ADGRL2: variants seen among roughly 807,000 people sequenced by gnomAD.
ADGRL2 encodes the protein adhesion G protein-coupled receptor L2.
Under a neutral mutation model 157.4 loss-of-function variants are expected in ADGRL2, and 44 were observed. The ratio of observed to expected loss-of-function variants is 0.28; its 90% CI spans 0.22 to 0.36. The LOEUF (loss-of-function observed/expected upper bound fraction) is 0.36, where lower values mean the gene tolerates loss of function less well. Ranked by LOEUF, ADGRL2 falls within the 10% of genes least tolerant of loss-of-function variation. ADGRL2 has a pLI of 1.00. For missense variants in ADGRL2, 1,510 were observed against 1,768.9 expected (o/e 0.85, Z 2.63); for synonymous variants, 585 against 624.7 (o/e 0.94, Z 0.95).
chr1:81,784,366 A>G (rs552619456), intron 2 of ADGRL2, among the ~76,000 whole-genome samples: 2 of 152,358 alleles, frequency 1.3e-5, no homozygotes, highest in South Asian at 4.1e-4. Flanking sequence ...AATGGTATTT[A>G]CCATATTCTT....
At chr1:81,414,091 CT>C (rs2076994338) in intron 1 of ADGRL2, 1 of 152,186 alleles carries the variant, frequency 6.6e-6, no homozygotes, top group Admixed American at 6.5e-5. Flanking sequence ...TTACCTCTGG[CT>C]CCCCACTCTG....
chr1:81,706,244 T>A (rs929461286), intron 1 of ADGRL2, among the ~76,000 whole-genome samples: 6 of 152,064 alleles, frequency 3.9e-5, no homozygotes, highest in Non-Finnish European at 5.9e-5. Context: ...AAAATTTTTT[T>A]AAAAAGGGAT....
intron 1 of ADGRL2, among the ~76,000 whole-genome samples, chr1:81,721,075 T>G (rs1049311307): frequency 2.6e-5 from 4 of 150,964 alleles, no homozygotes; most frequent in African/African-American, 9.8e-5. Flanking sequence ...TCTTGCTATG[T>G]TGCCTGGACT....
In ADGRL2 at chr1:81,650,532, T is replaced by C. The variant is rs541372543; in HGVS notation, c.-143+69552T>C. 4.8e-3 allele frequency among the ~76,000 whole-genome samples: 686 copies of C among 144,034 alleles called. 3 individuals are homozygous for C. Among genetic ancestry groups the C allele is most frequent in the Non-Finnish European group, 7.7e-3 (518 of 67,110 alleles). 94.5% of individuals were successfully genotyped at this position (144,034 alleles called of 152,430 possible). ...TGGAGGTTGCAGTGAGCTGAGATCGTGCCACTGCACTCTAGCCTGGCAACA... is the reference window on the plus strand; with the variant it reads ...TGGAGGTTGCAGTGAGCTGAGATCGCGCCACTGCACTCTAGCCTGGCAACA... On this transcript the variant is annotated intron_variant, in intron 3 of 24. Transcript: ENST00000370721.
chr1:81,840,585 A>T (rs114101741), intron 2 of ADGRL2, among the ~76,000 whole-genome samples: 2,722 of 152,186 alleles, frequency 0.018, 74 homozygotes, highest in African/African-American at 0.062. Context: ...CAAAGGTTTA[A>T]TTGTTATATC....
intron 2 of ADGRL2, among the ~76,000 whole-genome samples, chr1:81,900,599 A>T (rs1245462347): frequency 6.6e-6 from 1 of 152,192 alleles, no homozygotes; most frequent in Non-Finnish European, 1.5e-5. Context: ...AGTTGGGATG[A>T]CTGGAAACCA....
intron 2 of ADGRL2, among the ~76,000 whole-genome samples, chr1:81,864,447 A>G (rs544404112): frequency 1.1e-3 from 169 of 152,318 alleles, no homozygotes; most frequent in African/African-American, 3.9e-3. Flanking sequence ...TGTTACTGAC[A>G]TGTCCAGAAT....
rs370446559 is a variant in ADGRL2 at position 81,743,360 on chromosome 1, G to C, written c.-142-18451G>C. ...TGTATAAAAATAGGGACATTCTTAT[G>C]GGGGCAGGAAAGCAGAGTGCTAATA... On this transcript the variant is annotated intron_variant, in intron 1 of 20. Transcript: ENST00000359929. 1.2e-4 allele frequency among the ~76,000 whole-genome samples: 18 copies of C among 151,270 alleles called. 1 individual carries two copies. The highest frequency in any genetic ancestry group is 3.6e-4 in the African/African-American group (15 of 41,202).
intron 13 of ADGRL2, among the ~76,000 whole-genome samples, chr1:81,967,182 T>TA (rs1026001861): frequency 1.3e-5 from 2 of 151,904 alleles, no homozygotes; most frequent in Non-Finnish European, 2.9e-5. Flanking sequence ...TGCCCACAGA[T>TA]AAAAAAGTGG....
intron 2 of ADGRL2, among the ~76,000 whole-genome samples, chr1:81,888,512 C>T (rs2094181182): frequency 6.6e-6 from 1 of 152,168 alleles, no homozygotes; most frequent in Admixed American, 6.5e-5. Flanking sequence ...CAATCTCGCT[C>T]ACTGCAAGCT....
intron 1 of ADGRL2, chr1:81,721,679 A>G: frequency 8.4e-7 from 1 of 1,191,626 alleles, no homozygotes. Context: ...AGCTTCGCCC[A>G]CTGCTTCCTG....
intron 2 of ADGRL2, among the ~76,000 whole-genome samples, chr1:81,553,211 T>A (rs2080193126): frequency 6.6e-6 from 1 of 152,200 alleles, no homozygotes; most frequent in African/African-American, 2.4e-5. Flanking sequence ...AAATTAAATA[T>A]CAAATCTTGA....
At chr1:81,916,525 A>G (rs1015851258) in intron 3 of ADGRL2, among the ~76,000 whole-genome samples, 8 of 152,038 alleles carry the variant, frequency 5.3e-5, no homozygotes, top group African/African-American at 1.9e-4. Flanking sequence ...GACAAATGCT[A>G]CTGAAATGTA....
At chr1:81,877,858 C>T (rs1322965368) in intron 2 of ADGRL2, among the ~76,000 whole-genome samples, 1 of 151,828 alleles carries the variant, frequency 6.6e-6, no homozygotes, top group East Asian at 1.9e-4. Context: ...CGATTAAATC[C>T]GTTTAAAATG....
chr1:81,904,725 TG>T (rs1333101830), intron 2 of ADGRL2, among the ~76,000 whole-genome samples: 1 of 152,186 alleles, frequency 6.6e-6, no homozygotes, highest in Admixed American at 6.5e-5. Context: ...CTGGCCAACA[TG>T]GTGAAACCTT....
chr1:81,693,156 C>T (rs1385807103), intron 3 of ADGRL2, among the ~76,000 whole-genome samples: 1 of 152,146 alleles, frequency 6.6e-6, no homozygotes, highest in African/African-American at 2.4e-5. Flanking sequence ...GAGCCTTCTG[C>T]TCCCCTGAAC....
At chr1:81,699,238 A>G (rs2083508454), upstream of ADGRL2, among the ~76,000 whole-genome samples, 1 of 152,256 alleles carries the variant, frequency 6.6e-6, no homozygotes, top group Non-Finnish European at 1.5e-5. Context: ...TAAGACAGGA[A>G]CATAAAAAGA....
chr1:81,746,854 G>A (rs1434200784), intron 1 of ADGRL2, among the ~76,000 whole-genome samples: 1 of 130,612 alleles, frequency 7.7e-6, no homozygotes, highest in African/African-American at 3.4e-5. Flanking sequence ...ATACACACGT[G>A]CACACGTATA....
At chr1:81,874,083 C>A (rs2093767628) in intron 2 of ADGRL2, among the ~76,000 whole-genome samples, 1 of 152,104 alleles carries the variant, frequency 6.6e-6, no homozygotes, top group South Asian at 2.1e-4. Flanking sequence ...CTTTCAAAAT[C>A]ACAAAATCAT....
Sources: gnomAD v4.1 joint callset for allele counts (sites outside exome capture counted in the v4.1 genomes callset) on GRCh38, gnomAD v4.1.1 for gene constraint, MANE v1.5 for transcripts, NCBI Gene and HGNC (gene_info 2026-07-23, HGNC 2026-07-21) for gene names.